Variants in CPS1 observed in about 807,000 individuals in gnomAD.
CPS1 encodes carbamoyl-phosphate synthase [ammonia], mitochondrial.
In CPS1, 109 loss-of-function variants were observed where a neutral mutation model predicts 174.6. That is an observed-to-expected ratio of 0.62 (90% CI 0.53 to 0.73). CPS1 has a LOEUF of 0.73. Ranked by LOEUF, CPS1 falls within the 30% of genes least tolerant of loss-of-function variation. The pLI is 0.00. For synonymous variants in CPS1, 637 were observed against 632.0 expected (o/e 1.01, Z -0.12); for missense variants, 1,689 against 1,821.9 (o/e 0.93, Z 1.33).
At chr2:210,530,895 A>G (rs192151369) in intron 1 of CPS1, among the ~76,000 whole-genome samples, 2 of 152,016 alleles carry the variant, frequency 1.3e-5, no homozygotes, top group Non-Finnish European at 2.9e-5. Flanking sequence ...CATTTCTAAT[A>G]ATCATTCCTT....
intron 1 of CPS1, among the ~76,000 whole-genome samples, chr2:210,486,361 T>A (rs1376219140): frequency 6.6e-6 from 1 of 152,164 alleles, no homozygotes; most frequent in Non-Finnish European, 1.5e-5. Context: ...TTTCATTCTC[T>A]TAAATGTCTT....
At chr2:210,633,045 A>G (rs1699918665) in intron 21 of CPS1, among the ~76,000 whole-genome samples, 2 of 152,250 alleles carry the variant, frequency 1.3e-5, no homozygotes, top group Non-Finnish European at 2.9e-5. Context: ...GTGCAGGTCT[A>G]GCTTGATACA....
chr2:210,617,601 A>G (rs1699354780), intron 21 of CPS1: 1 of 152,006 alleles, frequency 6.6e-6, no homozygotes, highest in Admixed American at 6.6e-5. Flanking sequence ...TTTTGAGAAA[A>G]ATTAGGTTCT....
chr2:210,639,481 G>A (rs939760095), intron 23 of CPS1, among the ~76,000 whole-genome samples: 34 of 150,954 alleles, frequency 2.3e-4, no homozygotes, highest in East Asian at 1.4e-3. Context: ...GCGCGGTGGC[G>A]GGCGCCTGTA....
At chr2:210,589,838 T>C (rs1342569741) in intron 7 of CPS1, among the ~76,000 whole-genome samples, 4 of 151,820 alleles carry the variant, frequency 2.6e-5, no homozygotes, top group African/African-American at 9.7e-5. Flanking sequence ...TTGGTAGAGA[T>C]AGGGTTTTGC....
At chr2:210,617,774 T>C (rs370500605) in intron 21 of CPS1, 147 of 152,188 alleles carry the variant, frequency 9.7e-4, no homozygotes, top group African/African-American at 3.4e-3. Context: ...ATTGAACCTA[T>C]ACATTTATCT....
chr2:210,518,850 G>A (rs1460591018), intron 1 of CPS1, among the ~76,000 whole-genome samples: 1 of 151,978 alleles, frequency 6.6e-6, no homozygotes, highest in Non-Finnish European at 1.5e-5. Context: ...CCAGGTGGGT[G>A]ACCTGCAGGC....
chr2:210,494,297 T>A (rs2105954762), intron 1 of CPS1, among the ~76,000 whole-genome samples: 1 of 152,344 alleles, frequency 6.6e-6, no homozygotes, highest in South Asian at 2.1e-4. Flanking sequence ...GCAAACATAT[T>A]TTTTAAAGAA....
intron 1 of CPS1, among the ~76,000 whole-genome samples, chr2:210,546,746 T>A (rs1269709358): frequency 6.6e-6 from 1 of 152,128 alleles, no homozygotes; most frequent in African/African-American, 2.4e-5. Context: ...ACAGAAGTTA[T>A]ATGATCTTTG....
intron 35 of CPS1, 116 bp downstream of exon 35, chr2:210,675,077 T>C: frequency 1.2e-6 from 1 of 813,046 alleles, no homozygotes; most frequent in South Asian, 1.4e-5. Flanking sequence ...ATATGAAAGG[T>C]TTAACTAACT....
intron 1 of CPS1, among the ~76,000 whole-genome samples, chr2:210,516,387 C>T (rs1695682302): frequency 6.6e-6 from 1 of 151,854 alleles, no homozygotes; most frequent in African/African-American, 2.4e-5. Flanking sequence ...CCTACACCTT[C>T]TATTTTCTAA....
intron 1 of CPS1, among the ~76,000 whole-genome samples, chr2:210,572,183 C>A (rs576191799): frequency 3.6e-4 from 55 of 151,754 alleles, no homozygotes; most frequent in African/African-American, 1.3e-3. Context: ...CTATTTTATC[C>A]TTGAATATTA....
chr2:210,650,521 T>C, intron 28 of CPS1, 83 bp downstream of exon 28: 2 of 1,013,912 alleles, frequency 2.0e-6, no homozygotes, highest in East Asian at 2.4e-5. Flanking sequence ...TGTAGTGACA[T>C]TTATCTCTTA....
chr2:210,637,725 T>C lies in CPS1; in HGVS notation c.2711T>C (p.Leu904Pro). The C allele has an allele frequency of 6.2e-7, 1 of 1,614,014 alleles. No individual in the cohort carries two copies. The highest frequency in any genetic ancestry group is 8.5e-7 in the Non-Finnish European group (1 of 1,179,928). Residue 904 changes from leucine (L) to proline (P), a missense_variant, in exon 22 of 38, where the codon CTG becomes CCG. By Grantham distance (98) the Leu-to-Pro change is moderately conservative (BLOSUM62 -3). Coordinates refer to ENST00000233072, the MANE Select transcript of CPS1 (RefSeq NM_001875.5). ...AGTGAGTCCATGACAGAAGAAACCC[T>C]GAAAAGGGCAAAGGAGATTGGGTTC... ...LNSESMTEETLKRAKEIGFSD... is the reference protein window; with the variant it reads ...LNSESMTEETPKRAKEIGFSD...
At chr2:210,520,122 TTTA>T (rs1695782993) in intron 1 of CPS1, among the ~76,000 whole-genome samples, 1 of 152,098 alleles carries the variant, frequency 6.6e-6, no homozygotes, top group Non-Finnish European at 1.5e-5. Context: ...TTTTGCTAAA[TTTA>T]TATAACTTTG....
intron 2 of CPS1, among the ~76,000 whole-genome samples, chr2:210,573,877 C>G (rs1697599486): frequency 6.6e-6 from 1 of 152,014 alleles, no homozygotes; most frequent in Non-Finnish European, 1.5e-5. Flanking sequence ...TAATTTTGCA[C>G]TCTAGTAAGA....
intron 1 of CPS1, among the ~76,000 whole-genome samples, chr2:210,541,077 C>G (rs1381285665): frequency 6.6e-6 from 1 of 152,120 alleles, no homozygotes; most frequent in Non-Finnish European, 1.5e-5. Context: ...AGCTTTCACA[C>G]TAGGAATTGT....
At chr2:210,588,005 C>A (rs1698164235) in intron 6 of CPS1, 53 bp from the exon 7 acceptor site, 1 of 1,524,842 alleles carries the variant, frequency 6.6e-7, no homozygotes, top group South Asian at 1.1e-5. Context: ...TGATTTTGGT[C>A]TGTTGCCCAT....
intron 9 of CPS1, 67 bp downstream of exon 9, chr2:210,590,973 A>G (rs1698276582): frequency 1.7e-6 from 2 of 1,198,552 alleles, no homozygotes; most frequent in East Asian, 4.9e-5. Context: ...CAAAGAACTC[A>G]GAGCACTTAC....
Sources: gnomAD v4.1 joint callset for allele counts (sites outside exome capture counted in the v4.1 genomes callset) on GRCh38, gnomAD v4.1.1 for gene constraint, MANE v1.5 for transcripts, NCBI Gene and HGNC (gene_info 2026-07-23, HGNC 2026-07-21) for gene names.